Variants in KLHL1 observed in about 807,000 individuals in gnomAD.
KLHL1 encodes the protein kelch like family member 1, also known as kelch-like protein 1.
A neutral mutation model predicts 77.7 loss-of-function variants in KLHL1; 47 were observed. The ratio of observed to expected loss-of-function variants is 0.60; its 90% CI spans 0.48 to 0.77. KLHL1 has a LOEUF of 0.77. Among genes scored for constraint, KLHL1 ranks in the 30% least tolerant of loss-of-function variants. The probability of loss-of-function intolerance (pLI) is 0.00; values close to 1 mark genes in which losing one functional copy is unlikely to be tolerated. For synonymous variants in KLHL1, 360 were observed against 325.2 expected (o/e 1.11, Z -1.15); for missense variants, 925 against 910.8 (o/e 1.02, Z -0.20).
At chr13:69,862,023 A>AATAAAATAAAATAAG (rs1880188906) in intron 5 of KLHL1, among the ~76,000 whole-genome samples, 1 of 150,460 alleles carries the variant, frequency 6.6e-6, no homozygotes. Context: ...AATAAAATAA[A>AATAAAATAAAATAAG]AGCAAATACT....
chr13:69,978,973 T>A (rs1884626770), intron 1 of KLHL1, among the ~76,000 whole-genome samples: 1 of 151,862 alleles, frequency 6.6e-6, no homozygotes, highest in South Asian at 2.1e-4. Context: ...GACCCTGGTT[T>A]GGGGGGCTGG....
intron 3 of KLHL1, among the ~76,000 whole-genome samples, chr13:69,952,512 AT>A (rs1027396880): frequency 1.3e-5 from 2 of 151,362 alleles, no homozygotes; most frequent in Non-Finnish European, 3.0e-5. Flanking sequence ...TGTAAGTGCC[AT>A]TTGGCTAGGA....
At chr13:69,953,318 T>A (rs970773700) in intron 3 of KLHL1, among the ~76,000 whole-genome samples, 2 of 151,210 alleles carry the variant, frequency 1.3e-5, no homozygotes, top group East Asian at 1.9e-4. Flanking sequence ...GAAAAAAATA[T>A]ATGATGCCAG....
chr13:69,954,800 T>TACACACACACACACAC lies in KLHL1; in HGVS notation c.817+6492_817+6507dup, dbSNP rs34668618. 1.5e-3 allele frequency among the ~76,000 whole-genome samples: 218 copies of TACACACACACACACAC among 149,572 alleles called. 2 individuals carry two copies. The highest frequency in any genetic ancestry group is 4.8e-3 in the African/African-American group (196 of 41,012). On this transcript the variant is annotated intron_variant, in intron 3 of 10. Transcript: ENST00000377844. ...TTTCATACGATAGTACTAAATGTTT[T>TACACACACACACACAC]ACACACACACACACACACATTTTAA...
At chr13:69,734,398 ATTTC>A (rs1458722604) in intron 8 of KLHL1, among the ~76,000 whole-genome samples, 3 of 152,186 alleles carry the variant, frequency 2.0e-5, no homozygotes, top group African/African-American at 7.2e-5. Context: ...AGTTTCGGGT[ATTTC>A]TTTATAGCAA....
At chr13:70,026,805 C>T (rs1254089368) in intron 1 of KLHL1, among the ~76,000 whole-genome samples, 1 of 150,362 alleles carries the variant, frequency 6.7e-6, no homozygotes, top group Non-Finnish European at 1.5e-5. Context: ...AGAATCTGAA[C>T]TGTATGTTAA....
In KLHL1 at chr13:69,790,850, G is replaced by T. The variant is rs561169867; in HGVS notation, c.1639+5888C>A. On this transcript the variant is annotated intron_variant, in intron 7 of 10. Transcript: ENST00000377844. ...GGATCACCTGAGGTCAGGAGTTCAA[G>T]ACCAGCCTGGTCAACATGGGGAAAT... is the stretch of plus-strand genomic sequence containing the variant. Among the ~76,000 whole-genome samples the T allele has an allele frequency of 9.9e-5, 15 of 152,178 alleles. No homozygotes were observed. In the South Asian group the frequency reaches 2.5e-3, roughly 25 times the overall value.
intron 6 of KLHL1, among the ~76,000 whole-genome samples, chr13:69,809,603 C>T (rs1877775927): frequency 6.6e-6 from 1 of 152,002 alleles, no homozygotes; most frequent in South Asian, 2.1e-4. Context: ...ATCACAAAAG[C>T]ACACAGCCCA....
intron 6 of KLHL1, among the ~76,000 whole-genome samples, chr13:69,826,474 G>A (rs1292980122): frequency 1.3e-5 from 2 of 152,108 alleles, no homozygotes; most frequent in Non-Finnish European, 2.9e-5. Context: ...CAGCTACTCA[G>A]GAGTCTGAGG....
chr13:69,883,031 C>T (rs748276194), intron 4 of KLHL1, among the ~76,000 whole-genome samples: 6 of 152,092 alleles, frequency 3.9e-5, no homozygotes, highest in East Asian at 1.9e-4. Context: ...CCTCTCATGA[C>T]AATTTCTTTG....
chr13:70,107,485 G>T lies in KLHL1; in HGVS notation c.215C>A (p.Pro72His), dbSNP rs779782206. 5 of 1,613,486 alleles carry T rather than the reference G, an allele frequency of 3.1e-6. No homozygotes were observed. Among genetic ancestry groups the T allele is most frequent in the Non-Finnish European group, 4.2e-6 (5 of 1,179,456 alleles). ...GGACGATGAAGAGGAAGAGGAGGAA[G>T]GCTTCTTCCAGAAAGTGCTCACACC... ...RSGVSTFWKK[P>H]SSSSSSSSSP... The change falls in exon 1 of 11, where the codon CCT (proline) becomes CAT (histidine). Residue 72 changes from proline (P) to histidine (H), a missense_variant. By Grantham distance (77) the Pro-to-His change is moderately conservative (BLOSUM62 -2). Coordinates refer to ENST00000377844, the MANE Select transcript of KLHL1 (RefSeq NM_020866.3).
chr13:69,823,155 T>C (rs1878406555), intron 6 of KLHL1, among the ~76,000 whole-genome samples: 1 of 151,960 alleles, frequency 6.6e-6, no homozygotes. Context: ...GCTGCATCCA[T>C]CATTTATTGA....
intron 3 of KLHL1, among the ~76,000 whole-genome samples, chr13:69,946,237 TTATAGA>T (rs373913682): frequency 6.6e-6 from 1 of 152,194 alleles, no homozygotes; most frequent in African/African-American, 2.4e-5. Context: ...CATTTGACGA[TTATAGA>T]TATATTCATT....
intron 1 of KLHL1, among the ~76,000 whole-genome samples, chr13:70,063,217 C>G (rs1366020243): frequency 2.0e-5 from 3 of 152,046 alleles, no homozygotes; most frequent in Admixed American, 1.3e-4. Flanking sequence ...TGCATAAGGC[C>G]CTTAAGAGAT....
intron 1 of KLHL1, among the ~76,000 whole-genome samples, chr13:70,064,666 A>G (rs1385406505): frequency 6.6e-6 from 1 of 152,208 alleles, no homozygotes; most frequent in Non-Finnish European, 1.5e-5. Context: ...CTAACACGGT[A>G]TCTGGTACAA....
chr13:69,844,935 T>TA (rs1047947312), intron 5 of KLHL1, among the ~76,000 whole-genome samples: 6 of 150,190 alleles, frequency 4.0e-5, no homozygotes, highest in African/African-American at 7.3e-5. Flanking sequence ...TGGTGAAAAC[T>TA]AAAAAAAAAT....
intron 4 of KLHL1, among the ~76,000 whole-genome samples, chr13:69,919,983 G>A (rs186734474): frequency 1.6e-3 from 249 of 152,090 alleles, no homozygotes; most frequent in African/African-American, 4.7e-3. Flanking sequence ...TTGCTTGCTT[G>A]TATCATGATG....
At chr13:70,015,534 T>C (rs1026458602) in intron 1 of KLHL1, among the ~76,000 whole-genome samples, 2 of 152,196 alleles carry the variant, frequency 1.3e-5, no homozygotes, top group African/African-American at 2.4e-5. Context: ...GCAATGCATA[T>C]TTAGCATAAA....
chr13:70,059,798 G>A (rs1444375013), intron 1 of KLHL1, among the ~76,000 whole-genome samples: 1 of 152,164 alleles, frequency 6.6e-6, no homozygotes, highest in African/African-American at 2.4e-5. Context: ...AAGTAGGCAA[G>A]TCTTACATGG....
Sources: allele counts gnomAD v4.1 joint callset (sites outside exome capture counted in the v4.1 genomes callset), GRCh38; gene constraint gnomAD v4.1.1; transcripts MANE v1.5; gene names NCBI Gene and HGNC (gene_info 2026-07-23, HGNC 2026-07-21).